The following ELAVL4 variants were observed in gnomAD, a reference collection of about 807,000 sequenced individuals.
The protein encoded by ELAVL4 is ELAV like RNA binding protein 4, also known as ELAV-like protein 4.
In ELAVL4, 1 loss-of-function variant was observed where a neutral mutation model predicts 35.6. The ratio of observed to expected loss-of-function variants is 0.03; its 90% CI spans 0.01 to 0.13. The LOEUF is 0.13. Ranked by LOEUF, ELAVL4 falls within the 10% of genes least tolerant of loss-of-function variation. The pLI is 1.00. For synonymous variants in ELAVL4, 156 were observed against 171.0 expected (o/e 0.91, Z 0.69); for missense variants, 267 against 464.9 (o/e 0.57, Z 3.91).
intron 1 of ELAVL4, among the ~76,000 whole-genome samples, chr1:50,111,648 G>T (rs950092005): frequency 3.3e-5 from 5 of 152,054 alleles, no homozygotes; most frequent in Admixed American, 6.6e-5. Context: ...CATCAGGCTT[G>T]CACTCTCATA....
At chr1:50,131,789 AAAACAAAC>A (rs914637567) in intron 1 of ELAVL4, among the ~76,000 whole-genome samples, 14 of 152,040 alleles carry the variant, frequency 9.2e-5, no homozygotes, top group African/African-American at 3.4e-4. Context: ...ACTCTGTCTC[AAAACAAAC>A]AAACAAACAA....
intron 1 of ELAVL4, among the ~76,000 whole-genome samples, chr1:50,096,850 G>A (rs1048815081): frequency 6.6e-6 from 1 of 152,044 alleles, no homozygotes; most frequent in Admixed American, 6.5e-5. Flanking sequence ...CTTAATCAAG[G>A]TCCTGGTCCC....
intron 1 of ELAVL4, chr1:50,109,504 A>C: frequency 2.7e-6 from 1 of 364,238 alleles, no homozygotes; most frequent in East Asian, 4.7e-5. Flanking sequence ...TTGAGACATA[A>C]TGGCAAAAGA....
upstream of ELAVL4, chr1:50,104,029 TG>T: frequency 6.2e-7 from 1 of 1,613,270 alleles, no homozygotes; most frequent in Admixed American, 1.7e-5. Flanking sequence ...CTGGATAGCC[TG>T]GCAGATGGTA....
chr1:50,168,509 A>G (rs567134867), intron 2 of ELAVL4, among the ~76,000 whole-genome samples: 30 of 152,282 alleles, frequency 2.0e-4, no homozygotes, highest in African/African-American at 7.2e-4. Context: ...AGTAGATTTG[A>G]AGCTCAGTAT....
At chr1:50,135,256 G>A (rs994790926) in intron 1 of ELAVL4, among the ~76,000 whole-genome samples, 7 of 151,996 alleles carry the variant, frequency 4.6e-5, no homozygotes, top group East Asian at 1.9e-4. Flanking sequence ...ATTATAAAGC[G>A]CTATATTCTC....
intron 2 of ELAVL4, among the ~76,000 whole-genome samples, chr1:50,155,144 G>A (rs1675500622): frequency 6.7e-6 from 1 of 150,224 alleles, no homozygotes; most frequent in Non-Finnish European, 1.5e-5. Context: ...TTTAGCATTA[G>A]TTATATCTCC....
chr1:50,084,390 C>T (rs1665144327), intron 1 of ELAVL4, among the ~76,000 whole-genome samples: 1 of 152,150 alleles, frequency 6.6e-6, no homozygotes, highest in Non-Finnish European at 1.5e-5. Flanking sequence ...GTTCCAAAGC[C>T]TATACTGTCC....
At chr1:50,054,068 G>A (rs1445005231) in intron 1 of ELAVL4, among the ~76,000 whole-genome samples, 1 of 152,186 alleles carries the variant, frequency 6.6e-6, no homozygotes, top group African/African-American at 2.4e-5. Context: ...GGCTTGAGAG[G>A]AGTGAGCAAG....
chr1:50,066,887 T>C (rs1479212138), intron 1 of ELAVL4, among the ~76,000 whole-genome samples: 1 of 152,202 alleles, frequency 6.6e-6, no homozygotes, highest in Admixed American at 6.5e-5. Context: ...GTGGTGCTTC[T>C]AAATATAGCA....
intron 3 of ELAVL4, among the ~76,000 whole-genome samples, chr1:50,183,584 C>T (rs1410693962): frequency 4.6e-5 from 7 of 152,116 alleles, no homozygotes; most frequent in East Asian, 1.9e-4. Context: ...TCTCCATTTT[C>T]GCTTTATTCT....
intron 1 of ELAVL4, among the ~76,000 whole-genome samples, chr1:50,139,848 A>G (rs1672525266): frequency 6.6e-6 from 1 of 152,016 alleles, no homozygotes; most frequent in Non-Finnish European, 1.5e-5. Flanking sequence ...TTTGTTGTAT[A>G]TTTTGCAGAA....
intron 2 of ELAVL4, among the ~76,000 whole-genome samples, chr1:50,159,882 C>G (rs1023630617): frequency 6.6e-6 from 1 of 152,002 alleles, no homozygotes; most frequent in Non-Finnish European, 1.5e-5. Flanking sequence ...TCTGCTGCCC[C>G]GGGGTGGGCA....
In ELAVL4 at chr1:50,065,960, G is replaced by A. The variant is rs189416824; in HGVS notation, c.18+17778G>A. ...GCTGGGCAGGGTACCAAGAGAGAGC[G>A]AAAGTAAGGAAGAAGTGACACGGTG... On this transcript the variant is annotated intron_variant, in intron 1 of 6. Coordinates refer to the ELAVL4 transcript ENST00000448907. 3.2e-4 allele frequency among the ~76,000 whole-genome samples: 48 copies of A among 152,264 alleles called. No individual in the cohort carries two copies. In the South Asian group the frequency reaches 8.3e-3, roughly 26 times the overall value.
At chr1:50,200,605 C>G (rs1486968335) in intron 6 of ELAVL4, among the ~76,000 whole-genome samples, 2 of 152,130 alleles carry the variant, frequency 1.3e-5, no homozygotes. Context: ...CCCTGGGAGT[C>G]CCTTATGGTT....
chr1:50,118,043 G>GT (rs938830946), intron 1 of ELAVL4, among the ~76,000 whole-genome samples: 10 of 152,018 alleles, frequency 6.6e-5, no homozygotes, highest in Non-Finnish European at 1.2e-4. Flanking sequence ...AACCAGTGCT[G>GT]TTTTTTTAAT....
chr1:50,059,770 T>C (rs1663864982), intron 1 of ELAVL4, among the ~76,000 whole-genome samples: 1 of 152,236 alleles, frequency 6.6e-6, no homozygotes, highest in Admixed American at 6.5e-5. Context: ...TGGAATATTA[T>C]TCAGCCATGA....
At chr1:50,126,290 C>T (rs1409501382) in intron 1 of ELAVL4, among the ~76,000 whole-genome samples, 3 of 152,104 alleles carry the variant, frequency 2.0e-5, no homozygotes, top group Non-Finnish European at 2.9e-5. Flanking sequence ...CTGTCAAAGA[C>T]TGTGTTGGCC....
intron 1 of ELAVL4, among the ~76,000 whole-genome samples, chr1:50,074,699 A>G (rs1427570176): frequency 3.3e-5 from 5 of 152,230 alleles, no homozygotes; most frequent in Admixed American, 2.6e-4. Flanking sequence ...TGGTGGAGCT[A>G]AATCTTAAAG....
Sources: allele counts gnomAD v4.1 joint callset (sites outside exome capture counted in the v4.1 genomes callset), GRCh38; gene constraint gnomAD v4.1.1; transcripts MANE v1.5; gene names NCBI Gene and HGNC (gene_info 2026-07-23, HGNC 2026-07-21).